SYT12: variants seen among roughly 807,000 people sequenced by gnomAD.
SYT12 encodes synaptotagmin 12.
SYT12 carries 27 observed loss-of-function variants against 39.5 expected under a neutral mutation model. The ratio of observed to expected loss-of-function variants is 0.68; its 90% confidence interval spans 0.50 to 0.94. The LOEUF is 0.94. Among genes scored for constraint, SYT12 ranks in the 40% least tolerant of loss-of-function variants. The pLI is 0.00. For missense variants in SYT12, 536 were observed against 572.6 expected (o/e 0.94, Z 0.65); for synonymous variants, 233 against 239.7 (o/e 0.97, Z 0.26).
Position 67,048,688 on chromosome 11 carries a change from A to G in SYT12, c.1197A>G (p.Thr399=). The change falls in exon 8 of 8, where the codon ACA becomes ACG. Residue 399 remains threonine (T), a synonymous_variant. Coordinates refer to ENST00000527043, the MANE Select transcript of SYT12 (RefSeq NM_177963.4). ...IGPSASGMGT[T]HWNQMLATLR... ...CGTCAGCCAGTGGCATGGGAACCAC[A>G]CATTGGAACCAGATGTTGGCCACGC... 1 of 1,612,414 alleles carries G rather than the reference A, an allele frequency of 6.2e-7. No individual in the cohort carries two copies. The highest frequency in any genetic ancestry group is 8.5e-7 in the Non-Finnish European group (1 of 1,178,770).
intron 3 of SYT12, among the ~76,000 whole-genome samples, chr11:67,035,453 C>CTT (rs1163620102): frequency 1.9e-5 from 2 of 103,970 alleles, no homozygotes; most frequent in African/African-American, 9.1e-5. Context: ...TTTTCTTTTT[C>CTT]TTTTCTTTTT....
chr11:67,047,777 C>CTTT lies in SYT12; in HGVS notation c.1093-781_1093-779dup, dbSNP rs1173796349. 5.8e-4 allele frequency among the ~76,000 whole-genome samples: 44 copies of CTTT among 76,032 alleles called. 3 individuals carry two copies. Among genetic ancestry groups the CTTT allele is most frequent in the Non-Finnish European group, 7.3e-4 (30 of 41,254 alleles). 49.9% of individuals were successfully genotyped at this position (76,032 alleles called of 152,430 possible). On this transcript the variant is annotated intron_variant, in intron 7 of 7. Transcript: ENST00000527043. ...GGCCAACATGATGAAACCCCCATCT[C>CTTT]TTTTTTTTTTTTTTTTTTTTTTTTT...
At position 67,048,778 on chromosome 11, in the gene SYT12, G is replaced by A; in HGVS notation, c.*21G>A. ...ACTAGCAACCAGGGCGGGCCAGTTG[G>A]GCAATGGAGCTGCTGGAGCCCGGTA... is the stretch of plus-strand genomic sequence containing the variant. On this transcript the variant is annotated 3_prime_UTR_variant, in exon 8 of 8. Transcript: ENST00000527043. The A allele has an allele frequency of 1.3e-6, 2 of 1,584,096 alleles. No individual in the cohort carries two copies. The highest frequency in any genetic ancestry group is 1.7e-6 in the Non-Finnish European group (2 of 1,158,496).
upstream of SYT12, among the ~76,000 whole-genome samples, chr11:67,019,250 A>G (rs777064858): frequency 3.5e-4 from 53 of 152,142 alleles, no homozygotes; most frequent in Non-Finnish European, 4.1e-4. Context: ...AGGTGGGTAG[A>G]TCACCTGAGG....
chr11:67,030,204 T>A, intron 2 of SYT12, 26 bp downstream of exon 2: 1 of 1,613,864 alleles, frequency 6.2e-7, no homozygotes, highest in Non-Finnish European at 8.5e-7. Flanking sequence ...AAACCCCTCC[T>A]GGATCACGCC....
Position 67,045,882 on chromosome 11 carries a change from G to T in SYT12, c.1092+5G>T, listed in dbSNP as rs775530675. The T allele has an allele frequency of 1.9e-6, 3 of 1,612,908 alleles. No homozygotes were observed. The African/African-American group carries it at 4.0e-5, about 22-fold the overall frequency. On this transcript the variant is annotated splice_donor_5th_base_variant and intron_variant, in intron 7 of 7. Transcript: ENST00000527043. The stretch of plus-strand genomic sequence containing the variant: ...GTGCCAGCCATTGTGCTCCAGGTGA[G>T]GGGGGCTGGGGGATGGGAAGGGGCC...
chr11:67,038,994 AAAT>A (rs1215415532), intron 3 of SYT12, among the ~76,000 whole-genome samples: 4 of 132,706 alleles, frequency 3.0e-5, no homozygotes, highest in African/African-American at 1.6e-4. Context: ...CTCAAAAAAT[AAAT>A]AAATAAATAA....
At chr11:67,045,583 C>A in intron 6 of SYT12, 161 bp from the exon 7 acceptor site, 1 of 1,058,134 alleles carries the variant, frequency 9.5e-7, no homozygotes, top group Non-Finnish European at 1.3e-6. Flanking sequence ...GTTTTCTCAT[C>A]TGTGAAATGG....
At chr11:67,038,900 T>C (rs1950439694) in intron 3 of SYT12, among the ~76,000 whole-genome samples, 1 of 151,970 alleles carries the variant, frequency 6.6e-6, no homozygotes, top group East Asian at 1.9e-4. Context: ...GGCAGGAGAA[T>C]TGCTTGAACC....
intron 7 of SYT12, among the ~76,000 whole-genome samples, chr11:67,046,445 C>G (rs760506235): frequency 5.3e-5 from 8 of 152,218 alleles, no homozygotes; most frequent in Non-Finnish European, 1.0e-4. Flanking sequence ...TCTAGCCCTC[C>G]TCGGCACTCC....
intron 3 of SYT12, among the ~76,000 whole-genome samples, chr11:67,015,447 T>C (rs189259735): frequency 2.0e-4 from 31 of 152,264 alleles, no homozygotes; most frequent in African/African-American, 7.5e-4. Flanking sequence ...GGGCCACATC[T>C]TTACCCTGGT....
chr11:67,014,849 T>C (rs192862877), intron 3 of SYT12, among the ~76,000 whole-genome samples: 1,847 of 152,212 alleles, frequency 0.012, 41 homozygotes, highest in African/African-American at 0.041. Context: ...GTGGCCTCCT[T>C]ACTACCACTC....
rs758401886 is a variant in SYT12 at position 67,030,141 on chromosome 11, C to T, written c.-4C>T. 1.2e-6 allele frequency: 2 copies of T among 1,613,948 alleles called. No individual in the cohort carries two copies. Among genetic ancestry groups the T allele is most frequent in the African/African-American group, 2.7e-5 (2 of 74,944 alleles). ...TTCCAGTCACAGTCACTGCAGCAGACATCATGGCTGTGGATGTGGCAGAAT... is the reference window on the plus strand; with the variant it reads ...TTCCAGTCACAGTCACTGCAGCAGATATCATGGCTGTGGATGTGGCAGAAT... On this transcript the variant is annotated 5_prime_UTR_variant, in exon 2 of 8. Transcript: ENST00000527043.
chr11:67,025,538 G>A (rs1950169821), intron 1 of SYT12, among the ~76,000 whole-genome samples: 2 of 152,108 alleles, frequency 1.3e-5, no homozygotes, highest in South Asian at 4.2e-4. Context: ...GGCTGCCCTG[G>A]TCCCACTGTA....
chr11:67,045,032 G>A (rs1590655175), intron 6 of SYT12, among the ~76,000 whole-genome samples: 2 of 152,068 alleles, frequency 1.3e-5, no homozygotes, highest in East Asian at 3.9e-4. Flanking sequence ...GAACCAAGGT[G>A]GGCATCTGTT....
chr11:67,015,130 C>T (rs1023036428), intron 3 of SYT12, among the ~76,000 whole-genome samples: 2 of 152,164 alleles, frequency 1.3e-5, no homozygotes, highest in Non-Finnish European at 1.5e-5. Context: ...AATGGGAGAT[C>T]CCTGCCTTGC....
At chr11:67,012,057 C>A (rs1688932717) in intron 3 of SYT12, among the ~76,000 whole-genome samples, 3 of 151,116 alleles carry the variant, frequency 2.0e-5, no homozygotes. Context: ...GCCACTGCGC[C>A]CGGGCCAGGT....
chr11:67,027,682 C>T (rs1950200456), intron 1 of SYT12: 1 of 152,306 alleles, frequency 6.6e-6, no homozygotes. Context: ...TGATGGGGCC[C>T]CCGACAGCCA....
intron 3 of SYT12, among the ~76,000 whole-genome samples, chr11:67,012,568 T>G (rs1950021186): frequency 6.6e-6 from 1 of 152,112 alleles, no homozygotes; most frequent in Non-Finnish European, 1.5e-5. Flanking sequence ...GTCTCATTCA[T>G]TGGCCCTCAG....
Sources: allele counts gnomAD v4.1 joint callset (sites outside exome capture counted in the v4.1 genomes callset), GRCh38; gene constraint gnomAD v4.1.1; transcripts MANE v1.5; gene names NCBI Gene and HGNC (gene_info 2026-07-23, HGNC 2026-07-21).